The following PKNOX2 variants were observed in gnomAD, a reference collection of about 807,000 sequenced individuals.
PKNOX2 encodes the protein PBX/knotted 1 homeobox 2.
Under a neutral mutation model 53.1 loss-of-function variants are expected in PKNOX2, and 14 were observed. The ratio of observed to expected loss-of-function variants is 0.26; its 90% CI spans 0.17 to 0.41. PKNOX2 has a LOEUF of 0.41. Among genes scored for constraint, PKNOX2 ranks in the 10% least tolerant of loss-of-function variants. The pLI is 1.00. For synonymous variants in PKNOX2, 257 were observed against 242.8 expected, an observed-to-expected ratio of 1.06 and a Z score of -0.54; for missense variants, 496 against 602.8, an observed-to-expected ratio of 0.82 and a Z score of 1.85.
chr11:125,218,703 A>G (rs543002827), intron 1 of PKNOX2, among the ~76,000 whole-genome samples: 52 of 152,240 alleles, frequency 3.4e-4, no homozygotes, highest in African/African-American at 1.2e-3. Flanking sequence ...GTGCGCATGG[A>G]TTAGAGGGGA....
chr11:125,298,644 G>T (rs1222899610), intron 2 of PKNOX2, among the ~76,000 whole-genome samples: 1 of 152,240 alleles, frequency 6.6e-6, no homozygotes, highest in African/African-American at 2.4e-5. Flanking sequence ...CCTTAGCACA[G>T]TACCAGGGAC....
intron 1 of PKNOX2, among the ~76,000 whole-genome samples, chr11:125,189,447 GTATATATA>G (rs58968290): frequency 0.024 from 550 of 23,070 alleles, 2 homozygotes; most frequent in Non-Finnish European, 0.027. Flanking sequence ...GTGTGTGTGT[GTATATATA>G]TATATATATA....
At chr11:125,305,912 G>A (rs1049467870) in intron 2 of PKNOX2, among the ~76,000 whole-genome samples, 1 of 152,224 alleles carries the variant, frequency 6.6e-6, no homozygotes, top group South Asian at 2.1e-4. Flanking sequence ...TTATTTTTGA[G>A]CAAGGATATA....
chr11:125,248,858 T>C (rs1333201593), intron 2 of PKNOX2, among the ~76,000 whole-genome samples: 1 of 145,970 alleles, frequency 6.9e-6, no homozygotes, highest in Non-Finnish European at 1.5e-5. Flanking sequence ...ATAACATATA[T>C]AATATATATA....
intron 2 of PKNOX2, among the ~76,000 whole-genome samples, chr11:125,275,056 C>T (rs1156844689): frequency 6.6e-6 from 1 of 152,176 alleles, no homozygotes; most frequent in South Asian, 2.1e-4. Context: ...ACAAGGGTCC[C>T]TGCCATCAAG....
intron 2 of PKNOX2, among the ~76,000 whole-genome samples, chr11:125,258,043 AG>A (rs1447542477): frequency 6.6e-6 from 1 of 152,162 alleles, no homozygotes; most frequent in Non-Finnish European, 1.5e-5. Flanking sequence ...CTGGGGTTTT[AG>A]GACCCCAGAG....
intron 2 of PKNOX2, among the ~76,000 whole-genome samples, chr11:125,271,637 C>A (rs1218967878): frequency 6.6e-6 from 1 of 152,150 alleles, no homozygotes; most frequent in South Asian, 2.1e-4. Flanking sequence ...GATTTCAGTT[C>A]TGTCTAGACC....
At chr11:125,294,891 G>A (rs1253452511) in intron 2 of PKNOX2, among the ~76,000 whole-genome samples, 2 of 152,232 alleles carry the variant, frequency 1.3e-5, no homozygotes, top group Admixed American at 6.5e-5. Flanking sequence ...CTCTGAGAGT[G>A]AAGGGTGAGG....
chr11:125,260,918 G>T (rs1944796736), intron 2 of PKNOX2, among the ~76,000 whole-genome samples: 1 of 152,162 alleles, frequency 6.6e-6, no homozygotes, highest in South Asian at 2.1e-4. Flanking sequence ...ACAGTGGAAG[G>T]CCTCAGTGAA....
chr11:125,388,749 C>T (rs901756985), intron 6 of PKNOX2, among the ~76,000 whole-genome samples: 3 of 152,168 alleles, frequency 2.0e-5, no homozygotes, highest in Admixed American at 1.3e-4. Flanking sequence ...ACCACACTCC[C>T]CTGTGTCCCA....
At chr11:125,294,579 A>G (rs371005910) in intron 2 of PKNOX2, among the ~76,000 whole-genome samples, 14 of 152,190 alleles carry the variant, frequency 9.2e-5, no homozygotes, top group East Asian at 5.8e-4. Flanking sequence ...AGTAGAAAAC[A>G]TGAGTCAGCC....
chr11:125,189,433 GTGTGTGTGTGTGTGTATATA>G (rs1186752400), intron 1 of PKNOX2, among the ~76,000 whole-genome samples: 1 of 79,216 alleles, frequency 1.3e-5, no homozygotes, highest in South Asian at 4.4e-4. Flanking sequence ...GTGTGTGTGT[GTGTGTGTGTGTGTGTATATA>G]TATATATATA....
chr11:125,360,745 T>A (rs553423917), intron 4 of PKNOX2, among the ~76,000 whole-genome samples: 84 of 152,314 alleles, frequency 5.5e-4, no homozygotes, highest in Middle Eastern at 3.4e-3. Flanking sequence ...CTGTAGGCTG[T>A]GTGGATTTTA....
At chr11:125,323,574 C>A (rs142048560) in intron 2 of PKNOX2, among the ~76,000 whole-genome samples, 5 of 152,184 alleles carry the variant, frequency 3.3e-5, no homozygotes, top group African/African-American at 1.2e-4. Context: ...GGAAATAGAG[C>A]CCTGAGAAGG....
At chr11:125,242,240 G>C (rs192152934) in intron 2 of PKNOX2, among the ~76,000 whole-genome samples, 3 of 152,156 alleles carry the variant, frequency 2.0e-5, no homozygotes, top group Non-Finnish European at 4.4e-5. Flanking sequence ...TGTTGTCATC[G>C]GAGGGCAAGG....
chr11:125,231,823 T>A (rs930893049), intron 1 of PKNOX2, among the ~76,000 whole-genome samples: 3 of 152,078 alleles, frequency 2.0e-5, no homozygotes, highest in African/African-American at 7.2e-5. Context: ...TTGGGGGAGA[T>A]GAATTATTTC....
chr11:125,228,202 A>G (rs544178353), intron 1 of PKNOX2, among the ~76,000 whole-genome samples: 2 of 152,244 alleles, frequency 1.3e-5, no homozygotes, highest in Non-Finnish European at 2.9e-5. Flanking sequence ...GTCCAGTATG[A>G]CAGCCACTAG....
chr11:125,411,073 C>A, intron 9 of PKNOX2, 197 bp downstream of exon 9: 1 of 553,466 alleles, frequency 1.8e-6, no homozygotes, highest in Non-Finnish European at 3.2e-6. Context: ...TTGCTGCCTC[C>A]CTCCTGGGGT....
At chr11:125,319,283 A>G (rs544894848) in intron 2 of PKNOX2, among the ~76,000 whole-genome samples, 60 of 152,024 alleles carry the variant, frequency 3.9e-4, no homozygotes, top group Non-Finnish European at 6.6e-4. Flanking sequence ...AATAATTACA[A>G]TAATAACATC....
Sources: gnomAD v4.1 joint callset for allele counts (sites outside exome capture counted in the v4.1 genomes callset) on GRCh38, gnomAD v4.1.1 for gene constraint, MANE v1.5 for transcripts, NCBI Gene and HGNC (gene_info 2026-07-23, HGNC 2026-07-21) for gene names.